The following RPS6KC1 variants were observed in gnomAD, a reference collection of about 807,000 sequenced individuals.
RPS6KC1 encodes ribosomal protein S6 kinase C1, also known as inactive ribosomal protein S6 kinase delta-1.
In RPS6KC1, 54 loss-of-function variants were observed where a neutral mutation model predicts 103.8. The ratio of observed to expected loss-of-function variants is 0.52; its 90% CI spans 0.42 to 0.65. The LOEUF is 0.65. Ranked by LOEUF, RPS6KC1 falls within the 30% of genes least tolerant of loss-of-function variation. The pLI, the probability that RPS6KC1 is intolerant of heterozygous loss-of-function variation, is 0.00. For synonymous variants in RPS6KC1, 439 were observed against 438.7 expected (o/e 1.00, Z -0.01); for missense variants, 1,151 against 1,253.8 (o/e 0.92, Z 1.24).
chr1:213,451,761 G>A, the RPS6KC1 span, among the ~76,000 whole-genome samples: 1 of 152,238 alleles, frequency 6.6e-6, no homozygotes, highest in Non-Finnish European at 1.5e-5. Flanking sequence ...TCTCTAACGT[G>A]AACCATGTAA....
chr1:213,806,289 A>T, the RPS6KC1 span, among the ~76,000 whole-genome samples: 1 of 152,134 alleles, frequency 6.6e-6, no homozygotes, highest in Non-Finnish European at 1.5e-5. Context: ...CAGAGATCGC[A>T]CCACTGTACT....
the RPS6KC1 span, among the ~76,000 whole-genome samples, chr1:213,672,507 A>G: frequency 4.6e-5 from 7 of 152,162 alleles, no homozygotes; most frequent in Non-Finnish European, 7.3e-5. Flanking sequence ...TCTACTTCAG[A>G]TGTTAGATTA....
chr1:213,245,411 T>C (rs1367888335), intron 12 of RPS6KC1, among the ~76,000 whole-genome samples: 1 of 152,152 alleles, frequency 6.6e-6, no homozygotes, highest in Non-Finnish European at 1.5e-5. Context: ...TTAGTATTAT[T>C]GTCCAAGTAA....
the RPS6KC1 span, among the ~76,000 whole-genome samples, chr1:213,848,521 G>C: frequency 6.6e-6 from 1 of 151,820 alleles, no homozygotes; most frequent in East Asian, 1.9e-4. Flanking sequence ...GTATGTACTA[G>C]TGTGTATATA....
intron 6 of RPS6KC1, among the ~76,000 whole-genome samples, chr1:213,138,090 T>A (rs1042294579): frequency 3.9e-5 from 6 of 152,026 alleles, no homozygotes; most frequent in African/African-American, 1.2e-4. Context: ...GCCATTGTTG[T>A]CCTCTAGGCC....
the RPS6KC1 span, among the ~76,000 whole-genome samples, chr1:213,510,814 T>C: frequency 6.6e-6 from 1 of 152,202 alleles, no homozygotes; most frequent in Non-Finnish European, 1.5e-5. Context: ...CCCTATACTA[T>C]ATAAGCCCTT....
chr1:213,360,656 T>C, the RPS6KC1 span, among the ~76,000 whole-genome samples: 1 of 152,208 alleles, frequency 6.6e-6, no homozygotes, highest in African/African-American at 2.4e-5. Flanking sequence ...TTTTCAGTTT[T>C]TTCTGTTCTG....
the RPS6KC1 span, among the ~76,000 whole-genome samples, chr1:213,549,374 G>A: frequency 6.6e-6 from 1 of 152,090 alleles, no homozygotes; most frequent in African/African-American, 2.4e-5. Context: ...ATTATTGGTT[G>A]TTTTAGATGA....
the RPS6KC1 span, among the ~76,000 whole-genome samples, chr1:213,630,915 C>T: frequency 5.3e-5 from 8 of 152,346 alleles, no homozygotes; most frequent in Admixed American, 5.2e-4. Context: ...GCAAATGTTG[C>T]TGTCTGATTG....
chr1:213,408,536 C>A, the RPS6KC1 span, among the ~76,000 whole-genome samples: 1 of 152,214 alleles, frequency 6.6e-6, no homozygotes, highest in Non-Finnish European at 1.5e-5. Context: ...CAGTTGAAGA[C>A]TTTAAGCCGA....
the RPS6KC1 span, among the ~76,000 whole-genome samples, chr1:213,289,929 C>T: frequency 1.3e-5 from 2 of 151,998 alleles, no homozygotes; most frequent in African/African-American, 4.8e-5. Flanking sequence ...ATCCCAGCTA[C>T]TCGGGAGGCT....
At position 213,205,258 on chromosome 1, in the gene RPS6KC1, A is replaced by G. The variant is rs530146813; in HGVS notation, c.1045-25239A>G. The G allele has an allele frequency of 4.4e-4, 435 of 984,978 alleles. 1 individual carries two copies. The highest frequency in any genetic ancestry group is 5.1e-4 in the Non-Finnish European group (425 of 829,728). The allele number at this position is 984,978 out of a possible 1,614,324, so 61.0% of individuals were successfully genotyped here. A position where few individuals can be genotyped will look rare whatever the true frequency, so the allele number is the denominator to read the frequency against. On this transcript the variant is annotated intron_variant, in intron 8 of 14. Transcript: ENST00000366960. Reference sequence around the variant, plus strand: ...CATTAGTACACAGCCATGGTGAGACACTTGAGATGTTCTGCTGAAGACAAT... The same window carrying G: ...CATTAGTACACAGCCATGGTGAGACGCTTGAGATGTTCTGCTGAAGACAAT...
chr1:213,726,146 A>T, the RPS6KC1 span, among the ~76,000 whole-genome samples: 1 of 152,204 alleles, frequency 6.6e-6, no homozygotes, highest in Non-Finnish European at 1.5e-5. Context: ...GTACAGTGAC[A>T]CAATTATAGC....
the RPS6KC1 span, among the ~76,000 whole-genome samples, chr1:213,408,117 G>A: frequency 5.3e-5 from 8 of 152,218 alleles, no homozygotes; most frequent in Non-Finnish European, 1.0e-4. Flanking sequence ...ATGTCAGAAT[G>A]TACCTGGCTC....
the RPS6KC1 span, among the ~76,000 whole-genome samples, chr1:213,644,296 A>G: frequency 5.9e-5 from 9 of 152,238 alleles, no homozygotes; most frequent in Middle Eastern, 3.4e-3. Context: ...TCACATATAC[A>G]TGGTCTTCTC....
the RPS6KC1 span, among the ~76,000 whole-genome samples, chr1:213,607,539 G>T: frequency 6.6e-6 from 1 of 151,918 alleles, no homozygotes; most frequent in East Asian, 1.9e-4. Flanking sequence ...AGAATATGGG[G>T]ACCAATAAAG....
chr1:213,784,228 A>G, the RPS6KC1 span, among the ~76,000 whole-genome samples: 1 of 152,196 alleles, frequency 6.6e-6, no homozygotes, highest in Non-Finnish European at 1.5e-5. Flanking sequence ...AAGGACTAGC[A>G]GCTCTGGGCT....
the RPS6KC1 span, among the ~76,000 whole-genome samples, chr1:213,483,685 A>G: frequency 2.0e-5 from 3 of 152,068 alleles, no homozygotes; most frequent in Non-Finnish European, 1.5e-5. Flanking sequence ...CTATCAGAAA[A>G]GCTCCTGGCT....
chr1:213,851,064 A>G, the RPS6KC1 span, among the ~76,000 whole-genome samples: 47 of 151,848 alleles, frequency 3.1e-4, no homozygotes, highest in African/African-American at 1.1e-3. Context: ...CTCTTCATCA[A>G]TTTCCTTATT....
Sources: gnomAD v4.1 joint callset for allele counts (sites outside exome capture counted in the v4.1 genomes callset) on GRCh38, gnomAD v4.1.1 for gene constraint, MANE v1.5 for transcripts, NCBI Gene and HGNC (gene_info 2026-07-23, HGNC 2026-07-21) for gene names.